ZNF483: variants seen among roughly 807,000 people sequenced by gnomAD.
ZNF483 encodes zinc finger protein HIT-10.
In ZNF483, 9 loss-of-function variants were observed where a neutral mutation model predicts 28.6. That is an observed-to-expected ratio of 0.32 (90% CI 0.19 to 0.55). The LOEUF (loss-of-function observed/expected upper bound fraction) is 0.55, where lower values mean the gene tolerates loss of function less well. ZNF483 is among the 20% of genes least tolerant of loss of function. The probability of loss-of-function intolerance (pLI) is 0.93; values close to 1 mark genes in which losing one functional copy is unlikely to be tolerated. For missense variants in ZNF483, 675 were observed against 871.7 expected (o/e 0.77, Z 2.84); for synonymous variants, 322 against 306.2 (o/e 1.05, Z -0.54).
chr9:111,560,811 C>T lies in ZNF483; in HGVS notation c.722-15554C>T, dbSNP rs572657132. ...ACAAAACACTAGCCAGGCATGGTGGCTCATGCCTGTAATCCCAGCTACTCA... is the reference window on the plus strand; with the variant it reads ...ACAAAACACTAGCCAGGCATGGTGGTTCATGCCTGTAATCCCAGCTACTCA... On this transcript the variant is annotated intron_variant, in intron 5 of 5. Transcript: ENST00000358151. Among the ~76,000 whole-genome samples, 72 of 148,006 alleles carry T rather than the reference C, an allele frequency of 4.9e-4. 2 individuals are homozygous for T. The South Asian group carries it at 7.9e-3, about 16-fold the overall frequency.
intron 5 of ZNF483, chr9:111,574,245 TTTA>T: frequency 6.6e-6 from 1 of 152,234 alleles, no homozygotes; most frequent in East Asian, 1.9e-4. Context: ...AACTGTTTCT[TTTA>T]TATTTGTAGA....
chr9:111,556,597 C>T (rs1427185350), downstream of ZNF483, among the ~76,000 whole-genome samples: 2 of 152,212 alleles, frequency 1.3e-5, no homozygotes, highest in Non-Finnish European at 2.9e-5. Flanking sequence ...GCCAACACCA[C>T]ATAGAAACTG....
downstream of ZNF483, among the ~76,000 whole-genome samples, chr9:111,555,662 C>T (rs955160596): frequency 2.6e-5 from 4 of 151,992 alleles, no homozygotes; most frequent in Non-Finnish European, 4.4e-5. Flanking sequence ...CACATGGCAG[C>T]AGGGGAGAGC....
At position 111,547,127 on chromosome 9, in the gene ZNF483, A is replaced by G. The variant is rs1359105700; in HGVS notation, c.*3957A>G. Among the ~76,000 whole-genome samples, 1 of 152,142 alleles carries G rather than the reference A, an allele frequency of 6.6e-6. No individual in the cohort carries two copies. Among genetic ancestry groups the G allele is most frequent in the Non-Finnish European group, 1.5e-5 (1 of 67,980 alleles). Reference sequence around the variant, plus strand: ...AGTTGTTTGCACCATTTTGGCTATCAAGAATAACATTGCTATAATCAGTGG... The same window carrying G: ...AGTTGTTTGCACCATTTTGGCTATCGAGAATAACATTGCTATAATCAGTGG... On this transcript the variant is annotated 3_prime_UTR_variant, in exon 6 of 6. Transcript: ENST00000309235.
chr9:111,576,192 AAAC>A (rs2046808029), intron 5 of ZNF483, among the ~76,000 whole-genome samples: 1 of 152,122 alleles, frequency 6.6e-6, no homozygotes, highest in Non-Finnish European at 1.5e-5. Context: ...GCAAAAACAA[AAAC>A]AGAAAGAAGG....
At chr9:111,540,985 C>T (rs943322835) in intron 5 of ZNF483, among the ~76,000 whole-genome samples, 3 of 151,870 alleles carry the variant, frequency 2.0e-5, no homozygotes, top group South Asian at 4.2e-4. Context: ...TGTATTACAC[C>T]GTGCTTGGTG....
Position 111,549,574 on chromosome 9 carries a change from C to T in ZNF483, c.*6404C>T. 1 of 634,414 alleles carries T rather than the reference C, an allele frequency of 1.6e-6. No homozygotes were observed. Among genetic ancestry groups the T allele is most frequent in the East Asian group, 3.1e-5 (1 of 32,142 alleles). 39.3% of individuals were successfully genotyped at this position (634,414 alleles called of 1,614,324 possible). A position where few individuals can be genotyped will look rare whatever the true frequency, so the allele number is the denominator to read the frequency against. On this transcript the variant is annotated 3_prime_UTR_variant, in exon 6 of 6. Coordinates refer to ENST00000309235, the MANE Select transcript of ZNF483 (RefSeq NM_133464.5). ...CAGGTCTGTCTCCCTTGTAGATTAT[C>T]AGAGTGGGTCGATAATCTACAAGCT...
intron 5 of ZNF483, chr9:111,563,362 T>TC: frequency 2.2e-6 from 2 of 910,010 alleles, no homozygotes; most frequent in Non-Finnish European, 3.2e-6. Flanking sequence ...AGTCCTGTCC[T>TC]CCATGAACTT....
Position 111,554,350 on chromosome 9 carries a change from C to A in ZNF483, c.*11180C>A, listed in dbSNP as rs1828060320. Reference sequence around the variant, plus strand: ...CGTTGCCCAGAGATCAATCATATAACCCTAACCTAACTTAAAGGGAGGCTT... The same window carrying A: ...CGTTGCCCAGAGATCAATCATATAAACCTAACCTAACTTAAAGGGAGGCTT... On this transcript the variant is annotated 3_prime_UTR_variant, in exon 6 of 6. Transcript: ENST00000309235. Among the ~76,000 whole-genome samples the A allele has an allele frequency of 6.6e-6, 1 of 152,204 alleles. No homozygotes were observed. Among genetic ancestry groups the A allele is most frequent in the Non-Finnish European group, 1.5e-5 (1 of 68,030 alleles).
At chr9:111,556,223 G>A (rs1295120647), downstream of ZNF483, among the ~76,000 whole-genome samples, 1 of 152,248 alleles carries the variant, frequency 6.6e-6, no homozygotes, top group Non-Finnish European at 1.5e-5. Flanking sequence ...TCTAGGGCAT[G>A]CTGATGCAAA....
chr9:111,541,556 C>G (rs747624140), intron 5 of ZNF483, 101 bp from the exon 6 acceptor site: 4 of 928,018 alleles, frequency 4.3e-6, no homozygotes, highest in Non-Finnish European at 4.7e-6. Flanking sequence ...ACCATCGAAA[C>G]TATATTCCTT....
At chr9:111,531,799 A>T (rs941871358) in intron 3 of ZNF483, among the ~76,000 whole-genome samples, 4 of 152,138 alleles carry the variant, frequency 2.6e-5, no homozygotes, top group African/African-American at 4.8e-5. Context: ...CTCCCTCCTC[A>T]GCCTCATGAG....
At chr9:111,532,185 T>G (rs1267026851) in intron 3 of ZNF483, among the ~76,000 whole-genome samples, 1 of 151,938 alleles carries the variant, frequency 6.6e-6, no homozygotes, top group African/African-American at 2.4e-5. Flanking sequence ...GTCACATACC[T>G]GTGGTCTCAG....
chr9:111,568,825 C>T (rs758346621), intron 5 of ZNF483, among the ~76,000 whole-genome samples: 14 of 152,280 alleles, frequency 9.2e-5, no homozygotes, highest in Non-Finnish European at 1.6e-4. Context: ...CAGGTTCCCC[C>T]GATACACTAC....
downstream of ZNF483, among the ~76,000 whole-genome samples, chr9:111,555,463 T>A (rs973963853): frequency 6.6e-6 from 1 of 152,184 alleles, no homozygotes; most frequent in African/African-American, 2.4e-5. Context: ...TAATAAAATT[T>A]TTCCTCTAAA....
At chr9:111,573,831 C>CA (rs1491518156) in intron 5 of ZNF483, among the ~76,000 whole-genome samples, 1 of 152,088 alleles carries the variant, frequency 6.6e-6, no homozygotes, top group Non-Finnish European at 1.5e-5. Context: ...TTTTGGACCT[C>CA]AGAGTGTGGA....
chr9:111,564,277 TTTA>T (rs3031175), intron 5 of ZNF483: 49,028 of 483,800 alleles, frequency 0.1, 2,760 homozygotes, highest in East Asian at 0.43. Context: ...AATTTAAACT[TTTA>T]TTATTATTAT....
chr9:111,541,308 C>A (rs1297832129), intron 5 of ZNF483, among the ~76,000 whole-genome samples: 2 of 152,070 alleles, frequency 1.3e-5, no homozygotes, highest in Non-Finnish European at 2.9e-5. Context: ...CCAGGATGGT[C>A]TTGATCTCCT....
downstream of ZNF483, among the ~76,000 whole-genome samples, chr9:111,555,484 ATTAGTCTGTT>A (rs1273067509): frequency 6.6e-6 from 1 of 152,132 alleles, no homozygotes; most frequent in Non-Finnish European, 1.5e-5. Context: ...CAATATGTGT[ATTAGTCTGTT>A]CTCACACTGC....
Sources: gnomAD v4.1 joint callset for allele counts (sites outside exome capture counted in the v4.1 genomes callset) on GRCh38, gnomAD v4.1.1 for gene constraint, MANE v1.5 for transcripts, NCBI Gene and HGNC (gene_info 2026-07-23, HGNC 2026-07-21) for gene names.